GRIA4: variants seen among roughly 807,000 people sequenced by gnomAD.
GRIA4 encodes the protein glutamate receptor 4.
Under a neutral mutation model 104.0 loss-of-function variants are expected in GRIA4, and 34 were observed. The ratio of observed to expected loss-of-function variants is 0.33; its 90% confidence interval spans 0.25 to 0.44. GRIA4 has a LOEUF of 0.44. GRIA4 is among the 20% of genes least tolerant of loss of function. The pLI is 1.00. For synonymous variants in GRIA4, 386 were observed against 381.9 expected, an observed-to-expected ratio of 1.01 and a Z score of -0.13; for missense variants, 750 against 1,096.5, an observed-to-expected ratio of 0.68 and a Z score of 4.46.
At chr11:105,928,933 A>G (rs1254082392) in intron 13 of GRIA4, among the ~76,000 whole-genome samples, 1 of 152,090 alleles carries the variant, frequency 6.6e-6, no homozygotes, top group Non-Finnish European at 1.5e-5. Flanking sequence ...AGTCTTCCAT[A>G]CAAACTGTGC....
At chr11:105,957,810 G>T (rs1027765676) in intron 14 of GRIA4, among the ~76,000 whole-genome samples, 3 of 152,098 alleles carry the variant, frequency 2.0e-5, no homozygotes, top group Admixed American at 6.5e-5. Context: ...GTAGTTCTCC[G>T]TGAAGAAGTC....
chr11:105,730,718 A>G (rs1415047105), intron 3 of GRIA4, among the ~76,000 whole-genome samples: 1 of 152,192 alleles, frequency 6.6e-6, no homozygotes, highest in Non-Finnish European at 1.5e-5. Context: ...CTCAGAAATA[A>G]CACCACACAT....
At chr11:105,654,305 G>C (rs1234748214) in intron 3 of GRIA4, among the ~76,000 whole-genome samples, 1 of 151,292 alleles carries the variant, frequency 6.6e-6, no homozygotes, top group Admixed American at 6.6e-5. Flanking sequence ...TGTGACTATA[G>C]TTAATGACGA....
intron 4 of GRIA4, among the ~76,000 whole-genome samples, chr11:105,810,250 G>T (rs781722367): frequency 6.6e-6 from 1 of 152,166 alleles, no homozygotes; most frequent in Non-Finnish European, 1.5e-5. Context: ...ATAATAGCAT[G>T]ACAGCCTTGT....
At chr11:105,904,002 A>G in intron 8 of GRIA4, 21 bp downstream of exon 8, 3 of 1,524,962 alleles carry the variant, frequency 2.0e-6, no homozygotes, top group Non-Finnish European at 2.7e-6. Flanking sequence ...ATTTTATTTA[A>G]GTTCAATTCA....
At chr11:105,723,406 G>T (rs971282364) in intron 3 of GRIA4, among the ~76,000 whole-genome samples, 2 of 151,828 alleles carry the variant, frequency 1.3e-5, no homozygotes, top group East Asian at 1.9e-4. Flanking sequence ...AAATTTTATG[G>T]TTTTTTTCCA....
At chr11:105,625,614 T>A (rs1308339383) in intron 3 of GRIA4, among the ~76,000 whole-genome samples, 1 of 152,152 alleles carries the variant, frequency 6.6e-6, no homozygotes, top group Non-Finnish European at 1.5e-5. Context: ...CCTGTTACGA[T>A]CAGTATAGAA....
chr11:105,839,073 C>G (rs946264091), intron 4 of GRIA4, among the ~76,000 whole-genome samples: 16 of 152,172 alleles, frequency 1.1e-4, no homozygotes, highest in African/African-American at 3.6e-4. Flanking sequence ...ATGCATGCAC[C>G]GGCCCCCTCT....
At chr11:105,849,167 AG>A (rs1352856606) in intron 4 of GRIA4, among the ~76,000 whole-genome samples, 15 of 152,114 alleles carry the variant, frequency 9.9e-5, no homozygotes, top group African/African-American at 3.6e-4. Flanking sequence ...ATTCCAGCCT[AG>A]GAGACAGAGT....
At chr11:105,720,573 C>T (rs930871807) in intron 3 of GRIA4, among the ~76,000 whole-genome samples, 1 of 152,198 alleles carries the variant, frequency 6.6e-6, no homozygotes, top group African/African-American at 2.4e-5. Context: ...TAAGGACCAA[C>T]CAGTGTAAGA....
At chr11:105,956,634 G>A (rs1181526342) in intron 14 of GRIA4, among the ~76,000 whole-genome samples, 1 of 152,132 alleles carries the variant, frequency 6.6e-6, no homozygotes, top group Non-Finnish European at 1.5e-5. Flanking sequence ...GTAACAGGAT[G>A]GCTGGGCCAA....
intron 14 of GRIA4, among the ~76,000 whole-genome samples, chr11:105,960,245 C>G (rs1345825604): frequency 6.6e-6 from 1 of 152,238 alleles, no homozygotes; most frequent in Non-Finnish European, 1.5e-5. Context: ...GCAGAGACTG[C>G]AGCCACCCCT....
At chr11:105,910,719 T>A (rs886112581) in intron 10 of GRIA4, among the ~76,000 whole-genome samples, 174 bp downstream of exon 10, 1 of 152,132 alleles carries the variant, frequency 6.6e-6, no homozygotes, top group Non-Finnish European at 1.5e-5. Flanking sequence ...TTCGAGTTCA[T>A]ATAGTACTTT....
At chr11:105,614,176 T>G (rs1950543716) in intron 3 of GRIA4, 2 of 151,690 alleles carry the variant, frequency 1.3e-5, no homozygotes, top group South Asian at 4.1e-4. Flanking sequence ...AGTAATTATT[T>G]TAACATATTA....
intron 14 of GRIA4, among the ~76,000 whole-genome samples, chr11:105,965,692 T>A (rs550235018): frequency 3.7e-4 from 56 of 152,230 alleles, no homozygotes; most frequent in African/African-American, 1.3e-3. Context: ...AAAATCCATG[T>A]AATTGATGAT....
Position 105,924,506 on chromosome 11 carries a change from G to A in GRIA4, c.1584G>A (p.Lys528=), listed in dbSNP as rs1565345567. Residue 528 remains lysine, a synonymous_variant, in exon 12 of 17, where the codon AAG becomes AAA. Coordinates refer to ENST00000282499, the MANE Select transcript of GRIA4 (RefSeq NM_000829.4). ...MSLGISIMIK[K]PQKSKPGVFS... ...TGGGCATATCTATCATGATCAAAAA[G>A]CCTCAGAAATCCAAACCAGGAGTGT... 6.2e-7 allele frequency: 1 copy of A among 1,613,278 alleles called. No individual in the cohort carries two copies. Among genetic ancestry groups the A allele is most frequent in the South Asian group, 1.1e-5 (1 of 91,060 alleles).
intron 3 of GRIA4, among the ~76,000 whole-genome samples, chr11:105,674,601 G>T (rs2135448060): frequency 6.6e-6 from 1 of 151,846 alleles, no homozygotes; most frequent in Non-Finnish European, 1.5e-5. Flanking sequence ...CCGAAAATTT[G>T]GAACTGTCTG....
intron 3 of GRIA4, among the ~76,000 whole-genome samples, chr11:105,698,811 T>C (rs2135516044): frequency 6.6e-6 from 1 of 152,354 alleles, no homozygotes; most frequent in Non-Finnish European, 1.5e-5. Flanking sequence ...GAAAGACCTA[T>C]TTAGGAATGA....
At chr11:105,745,982 A>C (rs1168044185) in intron 3 of GRIA4, among the ~76,000 whole-genome samples, 1 of 152,168 alleles carries the variant, frequency 6.6e-6, no homozygotes, top group Non-Finnish European at 1.5e-5. Context: ...TAAAATTAAT[A>C]CATTTCCCTC....
Sources: gnomAD v4.1 joint callset for allele counts (sites outside exome capture counted in the v4.1 genomes callset) on GRCh38, gnomAD v4.1.1 for gene constraint, MANE v1.5 for transcripts, NCBI Gene and HGNC (gene_info 2026-07-23, HGNC 2026-07-21) for gene names.